Variants in KCNV2 observed in about 807,000 individuals in gnomAD.
KCNV2 encodes potassium voltage-gated channel subfamily V member 2.
KCNV2 carries 65 observed loss-of-function variants against 37.0 expected under a neutral mutation model. That is an observed-to-expected ratio of 1.76 (90% confidence interval 1.44 to 2.16). The LOEUF (loss-of-function observed/expected upper bound fraction) is 2.16. Ranked by LOEUF, KCNV2 falls within the 30% of genes most tolerant of loss-of-function variation. KCNV2 has a pLI of 0.00. For synonymous variants in KCNV2, 518 were observed against 328.6 expected (o/e 1.58, Z -6.23); for missense variants, 1,232 against 766.7 (o/e 1.61, Z -7.17).
intron 1 of KCNV2, among the ~76,000 whole-genome samples, chr9:2,727,162 A>G (rs549785152): frequency 6.6e-6 from 1 of 152,024 alleles, no homozygotes; most frequent in South Asian, 2.1e-4. Flanking sequence ...AATGAAAGCT[A>G]TTGTTCAGCT....
At position 2,718,714 on chromosome 9, in the gene KCNV2, C is replaced by T. The variant is rs1275834231; in HGVS notation, c.975C>T (p.Pro325=). ...LEYLLRLAST[P]DLRRFARSAL... ...ACCTGCTGCGCCTAGCCTCCACGCCCGACCTGAGGCGCTTCGCGCGCAGCG... is the reference window on the plus strand; with the variant it reads ...ACCTGCTGCGCCTAGCCTCCACGCCTGACCTGAGGCGCTTCGCGCGCAGCG... The change falls in exon 1 of 2, where the codon CCC becomes CCT. Residue 325 remains proline (P), a synonymous_variant. Coordinates refer to ENST00000382082, the MANE Select transcript of KCNV2 (RefSeq NM_133497.4). 1.2e-6 allele frequency: 2 copies of T among 1,612,850 alleles called. No homozygotes were observed. Among genetic ancestry groups the T allele is most frequent in the African/African-American group, 1.3e-5 (1 of 74,930 alleles).
intron 1 of KCNV2, among the ~76,000 whole-genome samples, chr9:2,726,173 T>C (rs1819964501): frequency 6.6e-6 from 1 of 152,122 alleles, no homozygotes; most frequent in Non-Finnish European, 1.5e-5. Context: ...TAGGGAGAAA[T>C]GGCTTGGCCT....
At position 2,717,823 on chromosome 9, in the gene KCNV2, G is replaced by A. The variant is rs781326115; in HGVS notation, c.84G>A (p.Arg28=). ...TTENEGSQHR[R]SICSLGARSG... ...AGAATGAGGGCAGCCAACACCGCAG[G>A]AGCATTTGCTCCCTGGGTGCCCGTT... The change falls in exon 1 of 2, where the codon AGG becomes AGA. Residue 28 remains arginine, a synonymous_variant. Transcript: ENST00000382082. 1.5e-5 allele frequency: 25 copies of A among 1,614,250 alleles called. No homozygotes were observed. The East Asian group carries it at 5.6e-4, about 36-fold the overall frequency.
intron 1 of KCNV2, among the ~76,000 whole-genome samples, chr9:2,719,949 A>G (rs1819835535): frequency 6.6e-6 from 1 of 152,222 alleles, no homozygotes. Flanking sequence ...AAATATCTGT[A>G]TTTTGAGCTG....
chr9:2,718,872 T>G lies in KCNV2; in HGVS notation c.1133T>G (p.Val378Gly). The change falls in exon 1 of 2, where the codon GTC (valine) becomes GGC (glycine). Residue 378 changes from valine to glycine, a missense_variant. Coordinates refer to ENST00000382082, the MANE Select transcript of KCNV2 (RefSeq NM_133497.4). Reference sequence around the variant, plus strand: ...GGTAAGGTGGGTCAGGTGTTGCGCGTCATGCGCCTCATGCGCATCTTCCGC... The same window carrying G: ...GGTAAGGTGGGTCAGGTGTTGCGCGGCATGCGCCTCATGCGCATCTTCCGC... The part of the protein sequence containing the change: ...SVGKVGQVLR[V>G]MRLMRIFRIL... 1 of 1,608,624 alleles carries G rather than the reference T, an allele frequency of 6.2e-7. No homozygotes were observed. The highest frequency in any genetic ancestry group is 8.5e-7 in the Non-Finnish European group (1 of 1,179,898).
At chr9:2,724,209 G>T (rs1819932126) in intron 1 of KCNV2, among the ~76,000 whole-genome samples, 1 of 149,566 alleles carries the variant, frequency 6.7e-6, no homozygotes, top group Non-Finnish European at 1.5e-5. Flanking sequence ...ATCTCTAGTT[G>T]AGGCACCATT....
At chr9:2,725,944 T>C (rs1242810486) in intron 1 of KCNV2, among the ~76,000 whole-genome samples, 1 of 152,238 alleles carries the variant, frequency 6.6e-6, no homozygotes, top group Admixed American at 6.5e-5. Context: ...GGTCACATTC[T>C]GGCTTTGGGA....
At chr9:2,720,013 A>G (rs1819836558) in intron 1 of KCNV2, among the ~76,000 whole-genome samples, 1 of 152,282 alleles carries the variant, frequency 6.6e-6, no homozygotes, top group South Asian at 2.1e-4. Flanking sequence ...AGATCGATGA[A>G]TAAGTCGGCA....
chr9:2,724,978 G>A (rs1434446629), intron 1 of KCNV2, among the ~76,000 whole-genome samples: 1 of 152,184 alleles, frequency 6.6e-6, no homozygotes, highest in African/African-American at 2.4e-5. Flanking sequence ...AAGGCTCTTA[G>A]GCATTGTTAC....
chr9:2,718,661 C>T lies in KCNV2; in HGVS notation c.922C>T (p.Leu308=). Reference sequence around the variant, plus strand: ...GCCCATCCTGGAGCACGTGGAGATGCTGTGCATGGGCTTCTTCACGCTCGA... The same window carrying T: ...GCCCATCCTGGAGCACGTGGAGATGTTGTGCATGGGCTTCTTCACGCTCGA... The part of the protein sequence containing the change: ...LRPILEHVEM[L]CMGFFTLEYL... Residue 308 remains leucine (L), a synonymous_variant, in exon 1 of 2, where the codon CTG becomes TTG. Coordinates refer to ENST00000382082, the MANE Select transcript of KCNV2 (RefSeq NM_133497.4). The T allele has an allele frequency of 6.2e-7, 1 of 1,613,372 alleles. No homozygotes were observed. Among genetic ancestry groups the T allele is most frequent in the East Asian group, 2.2e-5 (1 of 44,852 alleles).
intron 1 of KCNV2, among the ~76,000 whole-genome samples, chr9:2,723,278 C>G (rs933467461): frequency 6.6e-6 from 1 of 152,196 alleles, no homozygotes; most frequent in African/African-American, 2.4e-5. Flanking sequence ...TCCCACATTA[C>G]AGAGAGTTTC....
intron 1 of KCNV2, among the ~76,000 whole-genome samples, chr9:2,729,175 C>T (rs1820020337): frequency 6.6e-6 from 1 of 152,146 alleles, no homozygotes; most frequent in African/African-American, 2.4e-5. Flanking sequence ...TAGGTATTAC[C>T]TCCTCCTCCC....
At position 2,718,670 on chromosome 9, in the gene KCNV2, G is replaced by C. The variant is rs202200956; in HGVS notation, c.931G>C (p.Gly311Arg). 22 of 1,613,260 alleles carry C rather than the reference G, an allele frequency of 1.4e-5. No homozygotes were observed. The East Asian group carries it at 4.0e-4, about 29-fold the overall frequency. The change falls in exon 1 of 2, where the codon GGC (glycine) becomes CGC (arginine). Residue 311 changes from glycine to arginine, a missense_variant. Transcript: ENST00000382082. ...ILEHVEMLCMGFFTLEYLLRL... is the reference protein window; with the variant it reads ...ILEHVEMLCMRFFTLEYLLRL... ...GGAGCACGTGGAGATGCTGTGCATG[G>C]GCTTCTTCACGCTCGAGTACCTGCT...
chr9:2,718,941 G>A lies in KCNV2; in HGVS notation c.1202G>A (p.Gly401Asp). The A allele has an allele frequency of 6.2e-7, 1 of 1,609,624 alleles. No homozygotes were observed. The highest frequency in any genetic ancestry group is 8.5e-7 in the Non-Finnish European group (1 of 1,180,004). Residue 401 changes from glycine to aspartate, a missense_variant, in exon 1 of 2, where the codon GGC becomes GAC. Gly to Asp is a moderately conservative substitution (Grantham distance 94). Transcript: ENST00000382082. ...CACTCCACCGGACTGCGTGCCTTCGGCTTCACGCTGCGCCAGTGCTACCAG... is the reference window on the plus strand; with the variant it reads ...CACTCCACCGGACTGCGTGCCTTCGACTTCACGCTGCGCCAGTGCTACCAG... ...ARHSTGLRAF[G>D]FTLRQCYQQV...
rs760387623 is a variant in KCNV2 at position 2,718,638 on chromosome 9, C to T, written c.899C>T (p.Pro300Leu). 6.2e-7 allele frequency: 1 copy of T among 1,613,238 alleles called. No individual in the cohort carries two copies. Among genetic ancestry groups the T allele is most frequent in the Non-Finnish European group, 8.5e-7 (1 of 1,179,828 alleles). Residue 300 changes from proline (P) to leucine (L), a missense_variant, in exon 1 of 2, where the codon CCC becomes CTC. Pro to Leu is a moderately conservative substitution (Grantham distance 98). Transcript: ENST00000382082. ...GGCGAGGGCGGCCCAGACCTGCGGC[C>T]CATCCTGGAGCACGTGGAGATGCTG... ...GQGEGGPDLR[P>L]ILEHVEMLCM...
At position 2,729,591 on chromosome 9, in the gene KCNV2, G is replaced by A. The variant is rs1192986140; in HGVS notation, c.1502G>A (p.Ser501Asn). Residue 501 changes from serine (S) to asparagine (N), a missense_variant, in exon 2 of 2, where the codon AGC (serine) becomes AAC (asparagine). Ser to Asn is a conservative substitution (Grantham distance 46). Coordinates refer to ENST00000382082, the MANE Select transcript of KCNV2 (RefSeq NM_133497.4). ...TACAACAAGTTTTCTGATTACTACA[G>A]CAAGCTGAAGGCTTATGAGTATACC... ...ILYNKFSDYY[S>N]KLKAYEYTTI... 2 of 1,614,072 alleles carry A rather than the reference G, an allele frequency of 1.2e-6. No individual in the cohort carries two copies. Among genetic ancestry groups the A allele is most frequent in the East Asian group, 2.2e-5 (1 of 44,880 alleles).
In KCNV2 at chr9:2,718,263, G is replaced by T. The variant is rs1199956233; in HGVS notation, c.524G>T (p.Gly175Val). 1 of 1,612,724 alleles carries T rather than the reference G, an allele frequency of 6.2e-7. No homozygotes were observed. Among genetic ancestry groups the T allele is most frequent in the Non-Finnish European group, 8.5e-7 (1 of 1,179,926 alleles). Residue 175 changes from glycine (G) to valine (V), a missense_variant, in exon 1 of 2, where the codon GGG (glycine) becomes GTG (valine). By Grantham distance (109) the Gly-to-Val change is moderately radical. Coordinates refer to ENST00000382082, the MANE Select transcript of KCNV2 (RefSeq NM_133497.4). ...YLSGVLLVLD[G>V]LCPRRFLEEL... ...TCCGGGGTGCTGCTGGTGCTCGACG[G>T]GCTGTGTCCGCGCCGCTTCCTGGAG...
At chr9:2,719,152 C>A in intron 1 of KCNV2, 57 bp downstream of exon 1, 1 of 1,583,070 alleles carries the variant, frequency 6.3e-7, no homozygotes, top group South Asian at 1.1e-5. Flanking sequence ...TGAGCTGCTC[C>A]TCCCTCCCCT....
In KCNV2 at chr9:2,719,047, GC is replaced by G. The variant is rs1563796303; in HGVS notation, c.1311del (p.Ser438AlafsTer16). On this transcript the variant is annotated frameshift_variant, in exon 1 of 2. Transcript: ENST00000382082. LOFTEE classifies it high-confidence loss of function. ...CTGTCTACTCTGTGGAGCACGATGT[GC>G]CCAGCACCAACTTCACTACCATCCC... ...AAVYSVEHDV[P>X]STNFTTIPHS... 1.9e-6 allele frequency: 3 copies of G among 1,612,608 alleles called. No individual in the cohort carries two copies. Among genetic ancestry groups the G allele is most frequent in the South Asian group, 2.2e-5 (2 of 91,086 alleles).
Sources: gnomAD v4.1 joint callset for allele counts (sites outside exome capture counted in the v4.1 genomes callset) on GRCh38, gnomAD v4.1.1 for gene constraint, MANE v1.5 for transcripts, NCBI Gene and HGNC (gene_info 2026-07-23, HGNC 2026-07-21) for gene names.